FKTN: variants seen among roughly 807,000 people sequenced by gnomAD.
FKTN encodes ribitol-5-phosphate transferase FKTN.
Under a neutral mutation model 58.6 loss-of-function variants are expected in FKTN, and 47 were observed. That is an observed-to-expected ratio of 0.80 (90% CI 0.63 to 1.02). The LOEUF (loss-of-function observed/expected upper bound fraction) is 1.02, where lower values mean the gene tolerates loss of function less well. Ranked by LOEUF, FKTN falls within the 50% of genes least tolerant of loss-of-function variation. The probability of loss-of-function intolerance (pLI) is 0.00; values close to 1 mark genes in which losing one functional copy is unlikely to be tolerated. For missense variants in FKTN, 516 were observed against 537.3 expected (o/e 0.96, Z 0.39); for synonymous variants, 178 against 191.9 (o/e 0.93, Z 0.60).
rs1830634999 is a variant in FKTN at position 105,615,379 on chromosome 9, A to G, written c.882A>G (p.Pro294=). 6.2e-7 allele frequency: 1 copy of G among 1,614,004 alleles called. No homozygotes were observed. Among genetic ancestry groups the G allele is most frequent in the African/African-American group, 1.3e-5 (1 of 74,948 alleles). Residue 294 remains proline, a synonymous_variant, in exon 8 of 11, where the codon CCA becomes CCG. Transcript: ENST00000357998. ...AAACATTAAACAAATTGGGAGTACC[A>G]TTCTGGCTGAGCAGTGGAACTTGTC... The part of the protein sequence containing the change: ...AAKTLNKLGV[P]FWLSSGTCLG...
At chr9:105,583,877 C>A (rs186497832) in intron 3 of FKTN, among the ~76,000 whole-genome samples, 2 of 152,068 alleles carry the variant, frequency 1.3e-5, no homozygotes, top group African/African-American at 2.4e-5. Context: ...ATCTAACTTA[C>A]ATTTTTCCAC....
chr9:105,609,423 A>T (rs978673791), intron 7 of FKTN, among the ~76,000 whole-genome samples: 1 of 152,172 alleles, frequency 6.6e-6, no homozygotes, highest in African/African-American at 2.4e-5. Flanking sequence ...AAATAGGAAC[A>T]TTCTCTACAT....
At chr9:105,607,466 G>A (rs2132885662) in intron 6 of FKTN, among the ~76,000 whole-genome samples, 1 of 151,920 alleles carries the variant, frequency 6.6e-6, no homozygotes, top group South Asian at 2.1e-4. Flanking sequence ...ATTTTTCAAG[G>A]TCTTATTAAA....
Position 105,637,808 on chromosome 9 carries a change from C to A in FKTN, c.*2544C>A, listed in dbSNP as rs1391886201. The A allele has an allele frequency of 3.0e-6, 3 of 985,228 alleles. No homozygotes were observed. Among genetic ancestry groups the A allele is most frequent in the Non-Finnish European group, 3.6e-6 (3 of 829,896 alleles). 61.0% of individuals were successfully genotyped at this position (985,228 alleles called of 1,614,324 possible). ...CAACCAGGTAGTCACCCAGTCCTCTCTAAGCAGGGAGCACTTGTCCTTCTC... is the reference window on the plus strand; with the variant it reads ...CAACCAGGTAGTCACCCAGTCCTCTATAAGCAGGGAGCACTTGTCCTTCTC... On this transcript the variant is annotated 3_prime_UTR_variant, in exon 11 of 11. Coordinates refer to ENST00000357998, the MANE Select transcript of FKTN (RefSeq NM_001079802.2).
rs992936408 is a variant in FKTN, at chr9:105,618,148, T to A, written c.1044+56T>A. On this transcript the variant is annotated intron_variant, in intron 9 of 10. Coordinates refer to ENST00000357998, the MANE Select transcript of FKTN (RefSeq NM_001079802.2). ...AGTAACATATCTCACTTGTAAAGTT[T>A]ACATTAAGCAACTCAGATATGGTTA... 24 of 1,404,076 alleles carry A rather than the reference T, an allele frequency of 1.7e-5. No homozygotes were observed. In the African/African-American group the frequency reaches 3.0e-4, roughly 17 times the overall value. The allele number at this position is 1,404,076 out of a possible 1,614,324, so 87.0% of individuals were successfully genotyped here. A position where few individuals can be genotyped will look rare whatever the true frequency, so the allele number is the denominator to read the frequency against.
In FKTN at chr9:105,592,215, A is replaced by C. The variant is rs116548506; in HGVS notation, c.106-4383A>C. 9.0e-3 allele frequency among the ~76,000 whole-genome samples: 1,376 copies of C among 152,282 alleles called. 20 individuals carry two copies. The highest frequency in any genetic ancestry group is 0.032 in the African/African-American group (1,318 of 41,548). On this transcript the variant is annotated intron_variant, in intron 3 of 10. Coordinates refer to ENST00000357998, the MANE Select transcript of FKTN (RefSeq NM_001079802.2). ...TTTTCTATCACATGGCCAGGCTGCA[A>C]ATTTTCCAAACATGTATGCCCTGCT...
chr9:105,585,204 C>T (rs1295788513), intron 3 of FKTN, among the ~76,000 whole-genome samples: 6 of 152,172 alleles, frequency 3.9e-5, no homozygotes, highest in Admixed American at 6.5e-5. Flanking sequence ...GCGAGAGGAT[C>T]GCTTGAGCCC....
intron 1 of FKTN, among the ~76,000 whole-genome samples, chr9:105,565,590 A>G (rs1273909023): frequency 6.6e-6 from 1 of 151,932 alleles, no homozygotes; most frequent in Non-Finnish European, 1.5e-5. Context: ...ATTCAACAAG[A>G]AGAGCTAACT....
intron 1 of FKTN, among the ~76,000 whole-genome samples, chr9:105,562,197 C>T (rs960413864): frequency 2.0e-5 from 3 of 152,376 alleles, no homozygotes; most frequent in Admixed American, 2.0e-4. Flanking sequence ...AAACAGCTTA[C>T]TTAACAATGA....
intron 1 of FKTN, among the ~76,000 whole-genome samples, chr9:105,566,447 A>G (rs1839635663): frequency 6.6e-6 from 1 of 152,210 alleles, no homozygotes; most frequent in Non-Finnish European, 1.5e-5. Context: ...AATAGACGCA[A>G]TAAAAAACGA....
chr9:105,567,691 G>A (rs1358291619), intron 1 of FKTN, among the ~76,000 whole-genome samples: 6 of 152,178 alleles, frequency 3.9e-5, no homozygotes, highest in East Asian at 3.9e-4. Context: ...AGGAAGAATC[G>A]ATATCTTGAA....
In FKTN at chr9:105,637,778, C is replaced by G; in HGVS notation, c.*2514C>G. On this transcript the variant is annotated 3_prime_UTR_variant, in exon 11 of 11. Coordinates refer to ENST00000357998, the MANE Select transcript of FKTN (RefSeq NM_001079802.2). ...GGCAAGATTCCTCTTAATTGATAAC[C>G]AGGACAACCAGGTAGTCACCCAGTC... 1 of 985,260 alleles carries G rather than the reference C, an allele frequency of 1.0e-6. No homozygotes were observed. The highest frequency in any genetic ancestry group is 1.2e-6 in the Non-Finnish European group (1 of 829,796). 61.0% of individuals were successfully genotyped at this position (985,260 alleles called of 1,614,324 possible).
At position 105,617,820 on chromosome 9, in the gene FKTN, C is replaced by T. The variant is rs192165378; in HGVS notation, c.911-139C>T. ...GAGGATCACTTGAGCCAGGAGTTTG[C>T]GTACAGCCTGGGCAATATAGTGAGA... On this transcript the variant is annotated intron_variant, in intron 8 of 10. Coordinates refer to ENST00000357998, the MANE Select transcript of FKTN (RefSeq NM_001079802.2). 48 of 601,336 alleles carry T rather than the reference C, an allele frequency of 8.0e-5. No homozygotes were observed. The Middle Eastern group carries it at 1.9e-3, about 23-fold the overall frequency. 37.3% of individuals were successfully genotyped at this position (601,336 alleles called of 1,614,324 possible). A position where few individuals can be genotyped will look rare whatever the true frequency, so the allele number is the denominator to read the frequency against.
intron 3 of FKTN, among the ~76,000 whole-genome samples, chr9:105,579,880 T>C (rs1306732090): frequency 6.6e-6 from 1 of 152,068 alleles, no homozygotes; most frequent in Non-Finnish European, 1.5e-5. Context: ...TTTAGGCTAG[T>C]TAGCTCTTCT....
Position 105,631,256 on chromosome 9 carries a change from G to A in FKTN, c.1173-3795G>A, listed in dbSNP as rs981922628. ...GCCCTTCCATTAAAATCAGAAAAAC[G>A]TTAGGAATGTGTGCTAGCCCTGCTT... is the stretch of plus-strand genomic sequence containing the variant. On this transcript the variant is annotated intron_variant, in intron 10 of 10. Coordinates refer to ENST00000357998, the MANE Select transcript of FKTN (RefSeq NM_001079802.2). Among the ~76,000 whole-genome samples, 6 of 152,126 alleles carry A rather than the reference G, an allele frequency of 3.9e-5. No homozygotes were observed. The South Asian group carries it at 6.2e-4, about 16-fold the overall frequency.
rs561499275 is a variant in FKTN at position 105,618,546 on chromosome 9, G to T, written c.1044+454G>T. Among the ~76,000 whole-genome samples, 178 of 152,218 alleles carry T rather than the reference G, an allele frequency of 1.2e-3. 2 individuals are homozygous for T. The highest frequency in any genetic ancestry group is 4.2e-3 in the African/African-American group (175 of 41,558). ...TAAAATATTCCATTGATTGCTAAGGGATAGAAATATAGAATCATTTCAAAT... is the reference window on the plus strand; with the variant it reads ...TAAAATATTCCATTGATTGCTAAGGTATAGAAATATAGAATCATTTCAAAT... On this transcript the variant is annotated intron_variant, in intron 9 of 10. Coordinates refer to ENST00000357998, the MANE Select transcript of FKTN (RefSeq NM_001079802.2).
In FKTN at chr9:105,636,863, T is replaced by G. The variant is rs1834080781; in HGVS notation, c.*1599T>G. 1.8e-6 allele frequency: 2 copies of G among 1,135,142 alleles called. No individual in the cohort carries two copies. The highest frequency in any genetic ancestry group is 2.2e-6 in the Non-Finnish European group (2 of 894,298). The allele number at this position is 1,135,142 out of a possible 1,614,324, so 70.3% of individuals were successfully genotyped here. A position where few individuals can be genotyped will look rare whatever the true frequency, so the allele number is the denominator to read the frequency against. On this transcript the variant is annotated 3_prime_UTR_variant, in exon 11 of 11. Coordinates refer to ENST00000357998, the MANE Select transcript of FKTN (RefSeq NM_001079802.2). Reference sequence around the variant, plus strand: ...TAACTTACAACCACCCATTCCGGATTTGTAAAGCAACATGAAAACCTTTGA... The same window carrying G: ...TAACTTACAACCACCCATTCCGGATGTGTAAAGCAACATGAAAACCTTTGA...
chr9:105,615,272 C>T lies in FKTN; in HGVS notation c.781-6C>T, dbSNP rs753782814. 6.2e-7 allele frequency: 1 copy of T among 1,613,558 alleles called. No homozygotes were observed. The highest frequency in any genetic ancestry group is 8.5e-7 in the Non-Finnish European group (1 of 1,179,492). Reference sequence around the variant, plus strand: ...TGTAATAGCTGACTATTTATTATATCTGTAGCAGTACCTTGATGATAACAC... The same window carrying T: ...TGTAATAGCTGACTATTTATTATATTTGTAGCAGTACCTTGATGATAACAC... On this transcript the variant is annotated splice_polypyrimidine_tract_variant and splice_region_variant and intron_variant, in intron 7 of 10. Transcript: ENST00000357998.
chr9:105,628,411 T>C (rs952438311), intron 10 of FKTN, among the ~76,000 whole-genome samples: 1 of 151,954 alleles, frequency 6.6e-6, no homozygotes, highest in Non-Finnish European at 1.5e-5. Context: ...AAGTAGCAGT[T>C]ATTTATATAG....
Sources: gnomAD v4.1 joint callset for allele counts (sites outside exome capture counted in the v4.1 genomes callset) on GRCh38, gnomAD v4.1.1 for gene constraint, MANE v1.5 for transcripts, NCBI Gene and HGNC (gene_info 2026-07-23, HGNC 2026-07-21) for gene names.